The following VEPH1 variants were observed in gnomAD, a reference collection of about 807,000 sequenced individuals.
The protein encoded by VEPH1 is ventricular zone expressed PH domain containing 1.
VEPH1 carries 80 observed loss-of-function variants against 85.2 expected under a neutral mutation model. The observed-to-expected ratio is 0.94, with a 90% confidence interval of 0.78 to 1.13. The LOEUF is 1.13. Among genes scored for constraint, VEPH1 ranks in the 50% most tolerant of loss-of-function variants. The probability of loss-of-function intolerance (pLI) is 0.00; values close to 1 mark genes in which losing one functional copy is unlikely to be tolerated. For synonymous variants in VEPH1, 297 were observed against 348.0 expected (o/e 0.85, Z 1.63); for missense variants, 955 against 980.5 (o/e 0.97, Z 0.35).
At chr3:157,418,395 G>A (rs935772488) in intron 5 of VEPH1, among the ~76,000 whole-genome samples, 2 of 152,028 alleles carry the variant, frequency 1.3e-5, no homozygotes, top group African/African-American at 4.8e-5. Flanking sequence ...TTGAGGATAG[G>A]GCCATCTGAA....
At position 157,470,387 on chromosome 3, in the gene VEPH1, AG is replaced by A. The variant is rs916401332; in HGVS notation, c.280del (p.Leu94Ter). On this transcript the variant is annotated frameshift_variant, in exon 3 of 14. Transcript: ENST00000362010. LOFTEE classifies it high-confidence loss of function. The stretch of plus-strand genomic sequence containing the variant: ...GTCTTCGTCTTTCCCAAAGGGTCTC[AG>A]GTTATGTTCCAAGCAGGAGTCCCAG... ...GLWDSCLEHNLRPFGKDEDTP... is the reference protein window; with the variant it reads ...GLWDSCLEHNXRPFGKDEDTP... The A allele has an allele frequency of 5.0e-6, 8 of 1,613,972 alleles. No homozygotes were observed. The highest frequency in any genetic ancestry group is 1.3e-5 in the African/African-American group (1 of 74,894).
At chr3:157,372,780 A>G (rs901730674) in intron 7 of VEPH1, among the ~76,000 whole-genome samples, 3 of 152,212 alleles carry the variant, frequency 2.0e-5, no homozygotes, top group African/African-American at 7.2e-5. Context: ...AAACTACTAG[A>G]GAAACGCAAT....
intron 4 of VEPH1, among the ~76,000 whole-genome samples, chr3:157,432,299 AT>A (rs908440285): frequency 6.6e-6 from 1 of 152,092 alleles, no homozygotes; most frequent in African/African-American, 2.4e-5. Flanking sequence ...TGATTTATTG[AT>A]TTAAAATTAT....
At chr3:157,320,930 T>A (rs1721278926) in intron 9 of VEPH1, among the ~76,000 whole-genome samples, 1 of 152,144 alleles carries the variant, frequency 6.6e-6, no homozygotes, top group Non-Finnish European at 1.5e-5. Flanking sequence ...AGGCATTCAC[T>A]AGACAGTATC....
intron 11 of VEPH1, among the ~76,000 whole-genome samples, chr3:157,306,558 A>G (rs1719532667): frequency 6.6e-6 from 1 of 151,972 alleles, no homozygotes; most frequent in African/African-American, 2.4e-5. Flanking sequence ...ACATTCCTCT[A>G]TCAAGGGACA....
chr3:157,406,754 A>T (rs1731168236), intron 6 of VEPH1, among the ~76,000 whole-genome samples: 2 of 136,628 alleles, frequency 1.5e-5, no homozygotes, highest in Admixed American at 1.4e-4. Flanking sequence ...CTATGAGATC[A>T]TTTGTAAAAA....
chr3:157,273,245 T>C (rs1714946029), intron 12 of VEPH1, among the ~76,000 whole-genome samples: 1 of 152,216 alleles, frequency 6.6e-6, no homozygotes, highest in Admixed American at 6.5e-5. Context: ...AATGCCTTTA[T>C]GGTTACCATG....
chr3:157,374,257 A>G (rs1029988757), intron 7 of VEPH1, among the ~76,000 whole-genome samples: 4 of 151,984 alleles, frequency 2.6e-5, no homozygotes, highest in African/African-American at 9.7e-5. Context: ...TGATCACCAT[A>G]GACCTCTCTA....
At chr3:157,401,080 A>C (rs928534453) in intron 6 of VEPH1, among the ~76,000 whole-genome samples, 20 of 152,232 alleles carry the variant, frequency 1.3e-4, no homozygotes, top group African/African-American at 4.8e-4. Flanking sequence ...AGAATTGAAA[A>C]ATTTCTAGAG....
At chr3:157,403,123 C>T (rs948385621) in intron 6 of VEPH1, among the ~76,000 whole-genome samples, 13 of 152,124 alleles carry the variant, frequency 8.5e-5, no homozygotes, top group Non-Finnish European at 1.8e-4. Flanking sequence ...CTTCCAATTA[C>T]TCTCCTCATA....
rs1287963997 is a variant in VEPH1 at position 157,363,369 on chromosome 3, A to G, written c.1730T>C (p.Ile577Thr). ...GGGAAGTACACAACACTTACCTTCA[A>G]TGGTACACTGATCAGGGACTGGAAT... is the stretch of plus-strand genomic sequence containing the variant. ...KKIPVPDQCT[I>T]EDTVRSCVAK... The change falls in exon 9 of 14, where the codon ATT becomes ACT. Residue 577 changes from isoleucine (I) to threonine (T), a missense_variant. Ile to Thr is a moderately conservative substitution (Grantham distance 89). Transcript: ENST00000362010. 14 of 1,601,248 alleles carry G rather than the reference A, an allele frequency of 8.7e-6. No individual in the cohort carries two copies. The highest frequency in any genetic ancestry group is 3.5e-5 in the Admixed American group (2 of 56,758).
intron 9 of VEPH1, among the ~76,000 whole-genome samples, chr3:157,346,472 G>A (rs1724234617): frequency 6.6e-6 from 1 of 152,064 alleles, no homozygotes; most frequent in African/African-American, 2.4e-5. Context: ...GAAATTAGAT[G>A]GCTTCTCTTA....
At chr3:157,437,519 C>T (rs1000074101) in intron 4 of VEPH1, 1 of 1,605,122 alleles carries the variant, frequency 6.2e-7, no homozygotes, top group Non-Finnish European at 8.5e-7. Context: ...CTAGCCACGC[C>T]GTGCGCCTGC....
chr3:157,305,727 T>A (rs151264147), intron 11 of VEPH1, among the ~76,000 whole-genome samples: 1 of 152,298 alleles, frequency 6.6e-6, no homozygotes, highest in African/African-American at 2.4e-5. Flanking sequence ...AACGTGTGAG[T>A]GCCTTAACTC....
chr3:157,472,403 A>G (rs1048794780), intron 2 of VEPH1, among the ~76,000 whole-genome samples: 1 of 152,226 alleles, frequency 6.6e-6, no homozygotes, highest in Non-Finnish European at 1.5e-5. Context: ...TTCATTTCCT[A>G]GTAATTGTTT....
At chr3:157,369,177 AATG>A (rs1727106588) in intron 7 of VEPH1, among the ~76,000 whole-genome samples, 3 of 128,984 alleles carry the variant, frequency 2.3e-5, no homozygotes, top group Non-Finnish European at 4.8e-5. Flanking sequence ...ACAAAAACCA[AATG>A]AAAAAAAAAA....
chr3:157,328,612 A>C (rs1219164271), intron 9 of VEPH1, among the ~76,000 whole-genome samples: 1 of 152,216 alleles, frequency 6.6e-6, no homozygotes, highest in African/African-American at 2.4e-5. Context: ...GCATGAAACC[A>C]TCACTTGCTC....
At chr3:157,321,738 A>G (rs940644321) in intron 9 of VEPH1, among the ~76,000 whole-genome samples, 3 of 152,110 alleles carry the variant, frequency 2.0e-5, no homozygotes, top group Non-Finnish European at 4.4e-5. Flanking sequence ...TGAGTTTCTT[A>G]TCTTTAAAGT....
At chr3:157,378,714 A>C (rs1379252290) in intron 7 of VEPH1, among the ~76,000 whole-genome samples, 1 of 152,200 alleles carries the variant, frequency 6.6e-6, no homozygotes, top group African/African-American at 2.4e-5. Context: ...ACTATTGGTC[A>C]GATTACATTC....
Sources: gnomAD v4.1 joint callset for allele counts (sites outside exome capture counted in the v4.1 genomes callset) on GRCh38, gnomAD v4.1.1 for gene constraint, MANE v1.5 for transcripts, NCBI Gene and HGNC (gene_info 2026-07-23, HGNC 2026-07-21) for gene names.